The following TMEM131 variants were observed in gnomAD, a reference collection of about 807,000 sequenced individuals.
The protein encoded by TMEM131 is transmembrane protein 131, also known as 2610524E03Rik.
A neutral mutation model predicts 211.6 loss-of-function variants in TMEM131; 66 were observed. That is an observed-to-expected ratio of 0.31 (90% CI 0.26 to 0.38). TMEM131 has a LOEUF of 0.38. TMEM131 is among the 10% of genes least tolerant of loss of function. TMEM131 has a pLI of 1.00. For synonymous variants in TMEM131, 844 were observed against 841.3 expected, an observed-to-expected ratio of 1.00 and a Z score of -0.06; for missense variants, 2,036 against 2,299.3, an observed-to-expected ratio of 0.89 and a Z score of 2.34.
At chr2:97,917,658 A>G (rs914920773) in intron 2 of TMEM131, among the ~76,000 whole-genome samples, 1 of 152,220 alleles carries the variant, frequency 6.6e-6, no homozygotes, top group Non-Finnish European at 1.5e-5. Flanking sequence ...TCTTCTTCAC[A>G]TGGCAGCAGC....
chr2:97,851,912 T>G (rs956249756), intron 5 of TMEM131, among the ~76,000 whole-genome samples: 1 of 152,268 alleles, frequency 6.6e-6, no homozygotes, highest in African/African-American at 2.4e-5. Flanking sequence ...GGGTTGCACA[T>G]CTCTCACTTT....
intron 33 of TMEM131, among the ~76,000 whole-genome samples, chr2:97,767,093 T>C (rs1679206891): frequency 6.6e-6 from 1 of 152,122 alleles, no homozygotes; most frequent in Admixed American, 6.5e-5. Flanking sequence ...CTCATAGAAA[T>C]TATGAGGTGA....
intron 36 of TMEM131, chr2:97,761,124 A>C (rs1011729073): frequency 1.7e-6 from 1 of 583,306 alleles, no homozygotes; most frequent in Non-Finnish European, 3.0e-6. Flanking sequence ...GTAAGAAAAC[A>C]AAAGATCACT....
At chr2:97,888,161 A>C in intron 3 of TMEM131, 41 bp from the exon 4 acceptor site, 1 of 1,539,448 alleles carries the variant, frequency 6.5e-7, no homozygotes, top group Non-Finnish European at 8.9e-7. Flanking sequence ...CAATTCTTCA[A>C]AATATATGTT....
intron 31 of TMEM131, among the ~76,000 whole-genome samples, chr2:97,781,870 G>T (rs926123194): frequency 3.3e-5 from 5 of 152,294 alleles, no homozygotes; most frequent in African/African-American, 1.2e-4. Context: ...CTTGCCAAAG[G>T]TGCAGGAAAG....
intron 36 of TMEM131, 24 bp from the exon 37 acceptor site, chr2:97,760,938 A>G (rs1459714306): frequency 6.2e-7 from 1 of 1,612,702 alleles, no homozygotes; most frequent in African/African-American, 1.3e-5. Flanking sequence ...CAAAGAGAGA[A>G]CTCATTCCTC....
chr2:97,840,574 A>G (rs1683151886), intron 7 of TMEM131, among the ~76,000 whole-genome samples: 1 of 152,224 alleles, frequency 6.6e-6, no homozygotes, highest in Non-Finnish European at 1.5e-5. Flanking sequence ...TGAGTGACAG[A>G]GTGAGACCCT....
chr2:97,875,587 T>C (rs547294479), intron 4 of TMEM131, among the ~76,000 whole-genome samples: 1 of 152,192 alleles, frequency 6.6e-6, no homozygotes. Context: ...CACAACTACA[T>C]GGAAGTTGAA....
intron 12 of TMEM131, among the ~76,000 whole-genome samples, chr2:97,817,595 C>G (rs1681891529): frequency 6.6e-6 from 1 of 152,198 alleles, no homozygotes; most frequent in South Asian, 2.1e-4. Context: ...TTCTTGACAA[C>G]TGTATCATGA....
intron 27 of TMEM131, 86 bp from the exon 28 acceptor site, chr2:97,796,490 CTA>C (rs1465432999): frequency 1.8e-5 from 15 of 844,498 alleles, no homozygotes; most frequent in Non-Finnish European, 2.5e-5. Context: ...TCATGAATTA[CTA>C]TATGTCACAG....
chr2:97,884,370 T>C (rs1675055393), intron 4 of TMEM131, among the ~76,000 whole-genome samples: 1 of 152,190 alleles, frequency 6.6e-6, no homozygotes. Context: ...ATGCTTCATG[T>C]GTTGACGAAA....
rs1430512428 is a variant in TMEM131, at chr2:97,762,422, G to A, written c.4724-222C>T. 1.1e-5 allele frequency: 5 copies of A among 455,276 alleles called. No individual in the cohort carries two copies. The Admixed American group carries it at 1.2e-4, about 11-fold the overall frequency. The allele number at this position is 455,276 out of a possible 1,614,324, so 28.2% of individuals were successfully genotyped here. A position where few individuals can be genotyped will look rare whatever the true frequency, so the allele number is the denominator to read the frequency against. On this transcript the variant is annotated intron_variant, in intron 35 of 40. Transcript: ENST00000186436. ...GGGAGCAAGAGCGTGCCCGGTCCCT[G>A]CTGTGTTGTGTGGCGGACAGTCAAT...
At chr2:97,975,315 T>C (rs961464032) in intron 1 of TMEM131, among the ~76,000 whole-genome samples, 8 of 151,606 alleles carry the variant, frequency 5.3e-5, no homozygotes, top group African/African-American at 1.2e-4. Context: ...AATACAAACA[T>C]ATACAGAGAA....
chr2:97,809,192 AC>A (rs1681439927), intron 19 of TMEM131, among the ~76,000 whole-genome samples: 1 of 151,940 alleles, frequency 6.6e-6, no homozygotes, highest in Admixed American at 6.6e-5. Flanking sequence ...CCATGTTATC[AC>A]CCCCACAGAC....
intron 40 of TMEM131, among the ~76,000 whole-genome samples, chr2:97,757,907 C>A (rs917638575): frequency 6.6e-6 from 1 of 152,118 alleles, no homozygotes; most frequent in Non-Finnish European, 1.5e-5. Flanking sequence ...CCGACGTGGG[C>A]GGATCACGAG....
chr2:97,985,840 G>C (rs938004686), intron 1 of TMEM131, among the ~76,000 whole-genome samples: 2 of 151,950 alleles, frequency 1.3e-5, no homozygotes, highest in South Asian at 4.1e-4. Context: ...GATGCCAACG[G>C]ACTGAAGAAA....
In TMEM131 at chr2:97,930,410, A is replaced by C. The variant is rs1424682990; in HGVS notation, c.188-2923T>G. 7.2e-5 allele frequency among the ~76,000 whole-genome samples: 11 copies of C among 151,878 alleles called. 2 individuals are homozygous for C. The South Asian group carries it at 1.2e-3, about 17-fold the overall frequency. On this transcript the variant is annotated intron_variant, in intron 1 of 40. Transcript: ENST00000186436. ...ATCAGAAGCTTTAAAAATATATAAA[A>C]ATTCTATTATGAATTATGAATTCAT...
At chr2:97,957,547 G>A (rs192807796) in intron 1 of TMEM131, among the ~76,000 whole-genome samples, 2 of 152,218 alleles carry the variant, frequency 1.3e-5, no homozygotes, top group Admixed American at 1.3e-4. Flanking sequence ...CTAACTCATA[G>A]GATGGGGAGA....
chr2:97,838,601 C>T (rs1162495746), intron 7 of TMEM131, among the ~76,000 whole-genome samples: 1 of 151,858 alleles, frequency 6.6e-6, no homozygotes, highest in African/African-American at 2.4e-5. Context: ...CATGCCTCCA[C>T]GCCCAGCTAA....
Sources: allele counts gnomAD v4.1 joint callset (sites outside exome capture counted in the v4.1 genomes callset), GRCh38; gene constraint gnomAD v4.1.1; transcripts MANE v1.5; gene names NCBI Gene and HGNC (gene_info 2026-07-23, HGNC 2026-07-21).